The following KMT2C variants were observed in gnomAD, a reference collection of about 807,000 sequenced individuals.
KMT2C encodes histone-lysine N-methyltransferase 2C.
In KMT2C, 88 loss-of-function variants were observed where a neutral mutation model predicts 507.9. The ratio of observed to expected loss-of-function variants is 0.17; its 90% CI spans 0.15 to 0.21. The LOEUF is 0.21. KMT2C is among the 10% of genes least tolerant of loss of function. KMT2C has a pLI of 1.00. For synonymous variants in KMT2C, 2,049 were observed against 2,080.8 expected (o/e 0.98, Z 0.42); for missense variants, 4,954 against 5,957.8 (o/e 0.83, Z 5.55).
At chr7:152,369,966 G>A (rs1224939365) in intron 1 of KMT2C, among the ~76,000 whole-genome samples, 1 of 152,050 alleles carries the variant, frequency 6.6e-6, no homozygotes, top group Non-Finnish European at 1.5e-5. Context: ...AATCCCAGCG[G>A]GCAGATCATG....
Position 152,344,321 on chromosome 7 carries a change from C to T in KMT2C, c.251-13582G>A, listed in dbSNP as rs368789066. ...TTTTTCAATCATACTAAGATGGCTA[C>T]TAAGTGACTAACAGGCAGGTAGCAT... On this transcript the variant is annotated intron_variant, in intron 2 of 58. Coordinates refer to ENST00000262189, the MANE Select transcript of KMT2C (RefSeq NM_170606.3). Among the ~76,000 whole-genome samples, 75 of 152,236 alleles carry T rather than the reference C, an allele frequency of 4.9e-4. 1 individual carries two copies. The highest frequency in any genetic ancestry group is 2.0e-3 in the Admixed American group (31 of 15,298).
chr7:152,202,673 T>C (rs2094183625), intron 26 of KMT2C, among the ~76,000 whole-genome samples: 1 of 152,186 alleles, frequency 6.6e-6, no homozygotes, highest in Admixed American at 6.5e-5. Flanking sequence ...TATCCCAAAG[T>C]GTCCTTGTTA....
At chr7:152,433,956 T>C (rs1199122800) in intron 1 of KMT2C, among the ~76,000 whole-genome samples, 1 of 152,246 alleles carries the variant, frequency 6.6e-6, no homozygotes, top group East Asian at 1.9e-4. Context: ...AGAATTCAAA[T>C]GCAAATTTAA....
chr7:152,337,732 C>G (rs1022410700), intron 2 of KMT2C, among the ~76,000 whole-genome samples: 3 of 151,970 alleles, frequency 2.0e-5, no homozygotes, highest in African/African-American at 7.3e-5. Context: ...AAAAAAAGAA[C>G]GCATGAAAAG....
At chr7:152,282,054 G>T (rs138803939) in intron 6 of KMT2C, among the ~76,000 whole-genome samples, 1 of 144,028 alleles carries the variant, frequency 6.9e-6, no homozygotes, top group Non-Finnish European at 1.5e-5. Context: ...CACTTTGGGA[G>T]GCCAAGGCAG....
intron 7 of KMT2C, among the ~76,000 whole-genome samples, chr7:152,268,071 G>A (rs2095888183): frequency 6.6e-6 from 1 of 152,156 alleles, no homozygotes; most frequent in South Asian, 2.1e-4. Context: ...CTTGAGGTCA[G>A]GAGCTCGAGA....
chr7:152,201,597 G>A (rs984583125), intron 26 of KMT2C, among the ~76,000 whole-genome samples: 1 of 100,382 alleles, frequency 1.0e-5, no homozygotes, highest in Admixed American at 1.3e-4. Flanking sequence ...GGAATCCCAG[G>A]AGAAAACAAC....
Position 152,435,997 on chromosome 7 carries a change from G to T in KMT2C, c.-211C>A. ...CACTCACACACATCGGCGCGGGCGC[G>T]CGCACCTCCGCGCGCAGGGGCCGGG... On this transcript the variant is annotated 5_prime_UTR_variant, in exon 1 of 59. Transcript: ENST00000262189. 1 of 218,388 alleles carries T rather than the reference G, an allele frequency of 4.6e-6. No homozygotes were observed. Among genetic ancestry groups the T allele is most frequent in the Non-Finnish European group, 8.8e-6 (1 of 113,550 alleles). The allele number at this position is 218,388 out of a possible 1,614,324, so 13.5% of individuals were successfully genotyped here.
intron 3 of KMT2C, among the ~76,000 whole-genome samples, chr7:152,320,264 T>C (rs1472394302): frequency 1.3e-5 from 2 of 152,180 alleles, no homozygotes; most frequent in Non-Finnish European, 2.9e-5. Flanking sequence ...TTTTGTTTTT[T>C]TTGAGATGGA....
chr7:152,401,220 G>A (rs898642024), intron 1 of KMT2C, among the ~76,000 whole-genome samples: 5 of 151,738 alleles, frequency 3.3e-5, no homozygotes, highest in Non-Finnish European at 5.9e-5. Flanking sequence ...CCAAGTAGCC[G>A]GGATAACAGG....
intron 1 of KMT2C, among the ~76,000 whole-genome samples, chr7:152,431,421 A>C (rs2097861467): frequency 6.6e-6 from 1 of 151,840 alleles, no homozygotes; most frequent in African/African-American, 2.4e-5. Context: ...ACAGGGTGAA[A>C]CCCCGTCTCT....
At position 152,154,443 on chromosome 7, in the gene KMT2C, A is replaced by G. The variant is rs2091892848; in HGVS notation, c.11963T>C (p.Ile3988Thr). Reference protein sequence around the residue: ...PPHNNQEELRIQDHCGDRDTP... With the variant: ...PPHNNQEELRTQDHCGDRDTP... ...ATCTCGATCACCACAGTGATCCTGT[A>G]TCCTGAAAAAACATAAACACACACA... Residue 3988 changes from isoleucine to threonine, a missense_variant and splice_region_variant, in exon 47 of 59, where the codon ATA (isoleucine) becomes ACA (threonine). Physicochemically the swap from Ile to Thr is moderately conservative, Grantham distance 89. Coordinates refer to ENST00000262189, the MANE Select transcript of KMT2C (RefSeq NM_170606.3). The G allele has an allele frequency of 2.5e-6, 4 of 1,612,304 alleles. No homozygotes were observed. The highest frequency in any genetic ancestry group is 3.4e-6 in the Non-Finnish European group (4 of 1,179,954).
chr7:152,164,903 G>T (rs1225725953), intron 42 of KMT2C, among the ~76,000 whole-genome samples: 1 of 152,164 alleles, frequency 6.6e-6, no homozygotes, highest in Non-Finnish European at 1.5e-5. Context: ...GCAAGCTAGG[G>T]AAAGAAGGAA....
At chr7:152,255,132 TATATATATATATAC>T (rs1451407658) in intron 9 of KMT2C, among the ~76,000 whole-genome samples, 8 of 121,828 alleles carry the variant, frequency 6.6e-5, no homozygotes, top group African/African-American at 2.7e-4. Context: ...TATATATATA[TATATATATATATAC>T]ATATATATAT....
intron 3 of KMT2C, among the ~76,000 whole-genome samples, chr7:152,315,928 T>C (rs911968197): frequency 2.0e-5 from 3 of 151,818 alleles, no homozygotes; most frequent in African/African-American, 7.3e-5. Context: ...ACAAAAAAAA[T>C]GCAAGTTAAA....
At chr7:152,152,667 G>C (rs2129097363) in intron 49 of KMT2C, 38 bp downstream of exon 49, 1 of 1,606,062 alleles carries the variant, frequency 6.2e-7, no homozygotes, top group Non-Finnish European at 8.5e-7. Context: ...TTTGAATCAG[G>C]AATGGATTTG....
chr7:152,269,159 T>C (rs2095912285), intron 7 of KMT2C, among the ~76,000 whole-genome samples: 2 of 152,228 alleles, frequency 1.3e-5, no homozygotes, highest in Non-Finnish European at 2.9e-5. Flanking sequence ...ACAACTGTCA[T>C]TGTCACAAAA....
chr7:152,323,332 C>T (rs1231506787), intron 3 of KMT2C, among the ~76,000 whole-genome samples: 2 of 152,100 alleles, frequency 1.3e-5, no homozygotes, highest in East Asian at 3.9e-4. Context: ...CAATGGAATA[C>T]TATTCAGCCT....
chr7:152,214,811 T>C lies in KMT2C; in HGVS notation c.3712+5712A>G, dbSNP rs1345147758. On this transcript the variant is annotated intron_variant, in intron 23 of 58. Coordinates refer to ENST00000262189, the MANE Select transcript of KMT2C (RefSeq NM_170606.3). Reference sequence around the variant, plus strand: ...TTATCAAGGGTCTGGAGGTAGGGGATGGGTGGGATGGGCAGAAGTAGGTCG... The same window carrying C: ...TTATCAAGGGTCTGGAGGTAGGGGACGGGTGGGATGGGCAGAAGTAGGTCG... Among the ~76,000 whole-genome samples, 5 of 138,062 alleles carry C rather than the reference T, an allele frequency of 3.6e-5. No individual in the cohort carries two copies. The East Asian group carries it at 1.0e-3, about 28-fold the overall frequency. The allele number at this position is 138,062 out of a possible 152,430, so 90.6% of individuals were successfully genotyped here.
Sources: allele counts gnomAD v4.1 joint callset (sites outside exome capture counted in the v4.1 genomes callset), GRCh38; gene constraint gnomAD v4.1.1; transcripts MANE v1.5; gene names NCBI Gene and HGNC (gene_info 2026-07-23, HGNC 2026-07-21).